Variants in FHIT observed in about 807,000 individuals in gnomAD.
FHIT encodes fragile histidine triad diadenosine triphosphatase, also known as bis(5'-adenosyl)-triphosphatase.
A neutral mutation model predicts 17.9 loss-of-function variants in FHIT; 19 were observed. The ratio of observed to expected loss-of-function variants is 1.06; its 90% CI spans 0.74 to 1.56. The LOEUF (loss-of-function observed/expected upper bound fraction) is 1.56. FHIT is among the 40% of genes most tolerant of loss of function. FHIT has a pLI of 0.00. For missense variants in FHIT, 248 were observed against 189.2 expected (o/e 1.31, Z -1.82); for synonymous variants, 81 against 69.7 (o/e 1.16, Z -0.81).
chr3:61,085,489 C>A (rs2035276960), intron 2 of FHIT, among the ~76,000 whole-genome samples: 1 of 152,062 alleles, frequency 6.6e-6, no homozygotes, highest in Non-Finnish European at 1.5e-5. Context: ...TTATTACCGA[C>A]ATAAGAATTC....
Position 59,893,812 on chromosome 3 carries a change from G to C in FHIT, c.348+28534C>G, listed in dbSNP as rs536123981. Among the ~76,000 whole-genome samples, 11 of 152,308 alleles carry C rather than the reference G, an allele frequency of 7.2e-5. No homozygotes were observed. The South Asian group carries it at 2.3e-3, about 32-fold the overall frequency. On this transcript the variant is annotated intron_variant, in intron 8 of 9. Coordinates refer to ENST00000492590, the MANE Select transcript of FHIT (RefSeq NM_002012.4). ...CAGAGGAATTCAGTGCCTAATACTT[G>C]ACTAGGAAGAAACATTAGGTATTGA...
chr3:59,770,020 T>C (rs1156548747), intron 8 of FHIT, among the ~76,000 whole-genome samples: 2 of 152,080 alleles, frequency 1.3e-5, no homozygotes, highest in Admixed American at 1.3e-4. Flanking sequence ...TTTGGGTTGA[T>C]GAAAAATGAG....
intron 5 of FHIT, among the ~76,000 whole-genome samples, chr3:60,054,680 A>G (rs1702011656): frequency 6.6e-6 from 1 of 152,198 alleles, no homozygotes; most frequent in Non-Finnish European, 1.5e-5. Context: ...TATTAGATAG[A>G]GAACTACTAG....
intron 5 of FHIT, among the ~76,000 whole-genome samples, chr3:60,295,868 G>C (rs1419753152): frequency 6.6e-6 from 1 of 152,102 alleles, no homozygotes; most frequent in Non-Finnish European, 1.5e-5. Flanking sequence ...TGGTTTGGCT[G>C]TGTCCCCACC....
chr3:60,682,821 G>T (rs1302412331), intron 4 of FHIT, among the ~76,000 whole-genome samples: 1 of 152,168 alleles, frequency 6.6e-6, no homozygotes, highest in Non-Finnish European at 1.5e-5. Context: ...ATTGATCTGG[G>T]CAAAGTAAAA....
Position 60,368,997 on chromosome 3 carries a change from AC to A in FHIT, c.103+167862del, listed in dbSNP as rs1700218938. Among the ~76,000 whole-genome samples the A allele has an allele frequency of 2.6e-5, 4 of 151,312 alleles. No homozygotes were observed. In the South Asian group the frequency reaches 8.4e-4, roughly 32 times the overall value. On this transcript the variant is annotated intron_variant, in intron 5 of 9. Transcript: ENST00000492590. ...TTTCTCTTTGTTTTTTTTTCCTGAG[AC>A]CGCTCACTCTGTCACCCAGGCTGGA...
chr3:61,090,036 GA>G (rs1234477130), intron 2 of FHIT, among the ~76,000 whole-genome samples: 1 of 152,148 alleles, frequency 6.6e-6, no homozygotes, highest in African/African-American at 2.4e-5. Flanking sequence ...CACTCGTGGT[GA>G]AATGCCAAAA....
In FHIT at chr3:60,667,021, A is replaced by ATTT. The variant is rs56071877; in HGVS notation, c.-17-130045_-17-130043dup. On this transcript the variant is annotated intron_variant, in intron 4 of 9. Coordinates refer to ENST00000492590, the MANE Select transcript of FHIT (RefSeq NM_002012.4). ...AGGTGTGCACCACCATGCCTGGTTA[A>ATTT]TTTTTTTTTTTTTTTTTTTTTTTTT... Among the ~76,000 whole-genome samples the ATTT allele has an allele frequency of 1.9e-3, 65 of 34,118 alleles. 1 individual carries two copies. The highest frequency in any genetic ancestry group is 5.3e-3 in the African/African-American group (52 of 9,738). The allele number at this position is 34,118 out of a possible 152,430, so 22.4% of individuals were successfully genotyped here.
chr3:59,811,254 A>T (rs532528517), intron 8 of FHIT, among the ~76,000 whole-genome samples: 26 of 152,364 alleles, frequency 1.7e-4, no homozygotes, highest in African/African-American at 6.3e-4. Flanking sequence ...GTGGGGTGCC[A>T]AGATATAACT....
chr3:61,168,816 A>G (rs1337097612), intron 2 of FHIT, among the ~76,000 whole-genome samples: 1 of 152,206 alleles, frequency 6.6e-6, no homozygotes, highest in Non-Finnish European at 1.5e-5. Flanking sequence ...AACTCACACC[A>G]TGAAGCTCAA....
chr3:60,660,216 C>T (rs1323392305), intron 4 of FHIT, among the ~76,000 whole-genome samples: 1 of 152,122 alleles, frequency 6.6e-6, no homozygotes, highest in African/African-American at 2.4e-5. Context: ...GAAGGGCTTG[C>T]AACAATGGAA....
intron 5 of FHIT, among the ~76,000 whole-genome samples, chr3:60,069,873 A>T (rs957672102): frequency 6.6e-6 from 1 of 152,174 alleles, no homozygotes; most frequent in African/African-American, 2.4e-5. Context: ...GGTGACTAAG[A>T]TGCAGGAGCA....
intron 5 of FHIT, among the ~76,000 whole-genome samples, chr3:60,494,724 A>T (rs1169588584): frequency 1.3e-5 from 2 of 152,104 alleles, no homozygotes; most frequent in Non-Finnish European, 2.9e-5. Flanking sequence ...GAGAACATAC[A>T]GTATTTGTCT....
chr3:59,970,884 T>G (rs1005739612), intron 7 of FHIT, among the ~76,000 whole-genome samples: 1 of 149,662 alleles, frequency 6.7e-6, no homozygotes, highest in African/African-American at 2.5e-5. Context: ...AATCAGGGTT[T>G]AACCGGTGAA....
intron 5 of FHIT, among the ~76,000 whole-genome samples, chr3:60,519,792 C>A (rs914807014): frequency 1.3e-5 from 2 of 152,090 alleles, no homozygotes; most frequent in Non-Finnish European, 2.9e-5. Context: ...TCACTAGTGA[C>A]CCTTCATGTT....
At chr3:60,541,499 G>A (rs55779425) in intron 4 of FHIT, among the ~76,000 whole-genome samples, 18,043 of 151,994 alleles carry the variant, frequency 0.12, 1,266 homozygotes, top group Middle Eastern at 0.23. Context: ...GGGGCTATTC[G>A]TACTACCTGG....
intron 2 of FHIT, among the ~76,000 whole-genome samples, chr3:61,080,832 G>C (rs966271291): frequency 1.9e-4 from 27 of 144,778 alleles, no homozygotes; most frequent in Admixed American, 5.5e-4. Flanking sequence ...CCCACAGCAG[G>C]AAAAAAAAAA....
At chr3:60,220,662 T>C (rs1259019322) in intron 5 of FHIT, among the ~76,000 whole-genome samples, 1 of 152,176 alleles carries the variant, frequency 6.6e-6, no homozygotes, top group Non-Finnish European at 1.5e-5. Context: ...AGACACTGTG[T>C]TGATGGTTTG....
intron 7 of FHIT, among the ~76,000 whole-genome samples, chr3:59,934,220 A>G (rs78803836): frequency 0.17 from 25,384 of 152,132 alleles, 2,498 homozygotes; most frequent in East Asian, 0.51. Context: ...TATAATCCAA[A>G]TTATTATCAT....
Sources: allele counts gnomAD v4.1 joint callset (sites outside exome capture counted in the v4.1 genomes callset), GRCh38; gene constraint gnomAD v4.1.1; transcripts MANE v1.5; gene names NCBI Gene and HGNC (gene_info 2026-07-23, HGNC 2026-07-21).